The following ANKS1B variants were observed in gnomAD, a reference collection of about 807,000 sequenced individuals.
ANKS1B encodes the protein ankyrin repeat and sterile alpha motif domain-containing protein 1B.
Under a neutral mutation model 148.3 loss-of-function variants are expected in ANKS1B, and 36 were observed. The ratio of observed to expected loss-of-function variants is 0.24; its 90% CI spans 0.19 to 0.32. The LOEUF is 0.32. Ranked by LOEUF, ANKS1B falls within the 10% of genes least tolerant of loss-of-function variation. The pLI, the probability that ANKS1B is intolerant of heterozygous loss-of-function variation, is 1.00. For synonymous variants in ANKS1B, 542 were observed against 560.8 expected (o/e 0.97, Z 0.47); for missense variants, 1,157 against 1,542.6 (o/e 0.75, Z 4.19).
At chr12:99,192,735 A>G (rs1390853003) in intron 14 of ANKS1B, among the ~76,000 whole-genome samples, 1 of 152,122 alleles carries the variant, frequency 6.6e-6, no homozygotes, top group Non-Finnish European at 1.5e-5. Flanking sequence ...ATAACACTGC[A>G]TTTTCTTACA....
At chr12:99,462,630 T>C (rs914874917) in intron 10 of ANKS1B, among the ~76,000 whole-genome samples, 3 of 152,244 alleles carry the variant, frequency 2.0e-5, no homozygotes, top group East Asian at 1.9e-4. Context: ...AGAAAAATCA[T>C]ACAACTGCTA....
At chr12:99,489,939 T>C (rs960971356) in intron 10 of ANKS1B, among the ~76,000 whole-genome samples, 3 of 152,220 alleles carry the variant, frequency 2.0e-5, no homozygotes, top group African/African-American at 7.2e-5. Flanking sequence ...TGCATATAAA[T>C]AGAATAGGTT....
chr12:98,844,402 C>T (rs969093572), intron 17 of ANKS1B, among the ~76,000 whole-genome samples: 4 of 152,106 alleles, frequency 2.6e-5, no homozygotes, highest in Non-Finnish European at 5.9e-5. Context: ...TCCCCTGGAA[C>T]CCCACCAGAA....
At chr12:99,591,886 A>T (rs1233958689) in intron 9 of ANKS1B, among the ~76,000 whole-genome samples, 1 of 152,194 alleles carries the variant, frequency 6.6e-6, no homozygotes, top group Non-Finnish European at 1.5e-5. Flanking sequence ...CTAGAGCTGC[A>T]TTCTAGGCTA....
At chr12:98,941,563 C>T (rs1370975954) in intron 17 of ANKS1B, among the ~76,000 whole-genome samples, 1 of 152,088 alleles carries the variant, frequency 6.6e-6, no homozygotes, top group Non-Finnish European at 1.5e-5. Flanking sequence ...TATTGATTTG[C>T]GGTTACAATT....
At chr12:99,487,785 AATATAT>A (rs555391519) in intron 10 of ANKS1B, among the ~76,000 whole-genome samples, 108 of 152,256 alleles carry the variant, frequency 7.1e-4, no homozygotes, top group African/African-American at 2.5e-3. Context: ...GCTTGAAAAG[AATATAT>A]ATATTCTGTA....
At chr12:98,851,848 A>G (rs1277892564) in intron 17 of ANKS1B, among the ~76,000 whole-genome samples, 1 of 151,352 alleles carries the variant, frequency 6.6e-6, no homozygotes, top group Non-Finnish European at 1.5e-5. Context: ...ACCCAGTGAA[A>G]CCCCATCTCT....
At chr12:98,839,735 G>A (rs1431789137) in intron 17 of ANKS1B, among the ~76,000 whole-genome samples, 5 of 152,072 alleles carry the variant, frequency 3.3e-5, no homozygotes, top group Non-Finnish European at 7.4e-5. Flanking sequence ...ACACACTTGT[G>A]CATATTCCAG....
intron 12 of ANKS1B, among the ~76,000 whole-genome samples, chr12:99,251,656 C>G (rs187686994): frequency 4.0e-4 from 61 of 152,212 alleles, no homozygotes; most frequent in African/African-American, 1.4e-3. Context: ...TTTTATCCAC[C>G]TTTGCTATGA....
intron 14 of ANKS1B, among the ~76,000 whole-genome samples, 184 bp downstream of exon 14, chr12:99,244,158 C>T (rs1476797764): frequency 6.6e-6 from 1 of 151,490 alleles, no homozygotes; most frequent in Non-Finnish European, 1.5e-5. Flanking sequence ...TCTCAATTTG[C>T]TAAGTCAATA....
intron 9 of ANKS1B, among the ~76,000 whole-genome samples, chr12:99,509,032 G>A (rs753816745): frequency 6.6e-6 from 1 of 151,800 alleles, no homozygotes; most frequent in Admixed American, 6.6e-5. Flanking sequence ...GGCCATCTGT[G>A]ATCAGTGAGC....
intron 17 of ANKS1B, among the ~76,000 whole-genome samples, chr12:99,009,996 T>C (rs564616952): frequency 1.6e-4 from 25 of 152,266 alleles, no homozygotes; most frequent in South Asian, 8.3e-4. Flanking sequence ...TTGGAGGTAA[T>C]AGACATTAAG....
At chr12:99,632,282 C>T (rs1453353335) in intron 9 of ANKS1B, among the ~76,000 whole-genome samples, 1 of 151,956 alleles carries the variant, frequency 6.6e-6, no homozygotes. Context: ...CAGCCTCCAC[C>T]CAGATTTCAA....
At chr12:98,817,503 C>G (rs116281760) in intron 19 of ANKS1B, among the ~76,000 whole-genome samples, 1 of 152,252 alleles carries the variant, frequency 6.6e-6, no homozygotes, top group African/African-American at 2.4e-5. Flanking sequence ...CCAGAGGCCG[C>G]AGGCCAGCAT....
intron 10 of ANKS1B, among the ~76,000 whole-genome samples, chr12:99,471,819 T>C (rs1338267561): frequency 6.6e-6 from 1 of 152,122 alleles, no homozygotes; most frequent in African/African-American, 2.4e-5. Context: ...ATCTGTGAAA[T>C]CCCTGCTGCC....
intron 17 of ANKS1B, among the ~76,000 whole-genome samples, chr12:99,007,442 G>A (rs2099936771): frequency 6.6e-6 from 1 of 152,168 alleles, no homozygotes; most frequent in Non-Finnish European, 1.5e-5. Context: ...TGACCATGGT[G>A]AGGAACAAGC....
At position 99,596,337 on chromosome 12, in the gene ANKS1B, A is replaced by T. The variant is rs11109935; in HGVS notation, c.1272+58730T>A. On this transcript the variant is annotated intron_variant, in intron 9 of 26. Coordinates refer to ENST00000683438, the MANE Select transcript of ANKS1B (RefSeq NM_001352186.2). ...CCTTGGCTTGAAGGTGCATTACCCC[A>T]ATCTCTGCCTATATACTCATATAAA... Among the ~76,000 whole-genome samples, 1,264 of 151,538 alleles carry T rather than the reference A, an allele frequency of 8.3e-3. 13 individuals carry two copies. Among genetic ancestry groups the T allele is most frequent in the African/African-American group, 0.029 (1,209 of 41,398 alleles).
intron 8 of ANKS1B, among the ~76,000 whole-genome samples, chr12:99,759,687 TC>T (rs1329734958): frequency 2.6e-5 from 4 of 151,918 alleles, no homozygotes; most frequent in African/African-American, 4.8e-5. Flanking sequence ...AGCCAAGAAC[TC>T]CCAAATGTAA....
chr12:98,886,519 A>G (rs2099740435), intron 17 of ANKS1B, among the ~76,000 whole-genome samples: 1 of 152,246 alleles, frequency 6.6e-6, no homozygotes, highest in South Asian at 2.1e-4. Context: ...CAAAATAAGG[A>G]TAAGTGATGT....
Sources: gnomAD v4.1 joint callset for allele counts (sites outside exome capture counted in the v4.1 genomes callset) on GRCh38, gnomAD v4.1.1 for gene constraint, MANE v1.5 for transcripts, NCBI Gene and HGNC (gene_info 2026-07-23, HGNC 2026-07-21) for gene names.